The following RRP12 variants were observed in gnomAD, a reference collection of about 807,000 sequenced individuals.
The protein encoded by RRP12 is ribosomal RNA processing 12 homolog.
Under a neutral mutation model 157.3 loss-of-function variants are expected in RRP12, and 78 were observed. The ratio of observed to expected loss-of-function variants is 0.50; its 90% CI spans 0.41 to 0.60. The LOEUF (loss-of-function observed/expected upper bound fraction) is 0.60. RRP12 is among the 20% of genes least tolerant of loss of function. RRP12 has a pLI of 0.00. For missense variants in RRP12, 1,521 were observed against 1,679.9 expected, an observed-to-expected ratio of 0.91 and a Z score of 1.65; for synonymous variants, 726 against 670.9, an observed-to-expected ratio of 1.08 and a Z score of -1.27.
intron 4 of RRP12, chr10:97,393,301 G>T: frequency 2.3e-6 from 1 of 435,726 alleles, no homozygotes; most frequent in Non-Finnish European, 4.6e-6. Flanking sequence ...AGCACACATG[G>T]AACCAGGGAA....
Position 97,372,072 on chromosome 10 carries a change from C to T in RRP12, c.2343+1G>A. 6.2e-7 allele frequency: 1 copy of T among 1,611,524 alleles called. No homozygotes were observed. The highest frequency in any genetic ancestry group is 8.5e-7 in the Non-Finnish European group (1 of 1,178,372). On this transcript the variant is annotated splice_donor_variant, in intron 20 of 33. Transcript: ENST00000370992. LOFTEE classifies it high-confidence loss of function. ...TGGCGCTCCTGGCCCCCGAGGCTCA[C>T]CTCTAGGTAGGGCCGGATGGTGGAG...
At chr10:97,360,965 T>A (rs1012755768) in intron 30 of RRP12, among the ~76,000 whole-genome samples, 4 of 152,140 alleles carry the variant, frequency 2.6e-5, no homozygotes, top group African/African-American at 9.7e-5. Context: ...GAAAATGAGG[T>A]CCCTGGCCTC....
At chr10:97,386,037 C>T (rs368911226) in intron 8 of RRP12, 44 bp from the exon 9 acceptor site, 23 of 1,371,712 alleles carry the variant, frequency 1.7e-5, no homozygotes, top group Non-Finnish European at 1.9e-5. Context: ...ACAAAGCCCA[C>T]GGCTGGCCCT....
intron 29 of RRP12, among the ~76,000 whole-genome samples, chr10:97,364,828 G>A (rs1843929800): frequency 6.6e-6 from 1 of 152,172 alleles, no homozygotes; most frequent in Admixed American, 6.5e-5. Context: ...TACAAAAGGA[G>A]CTTTGAGCTG....
intron 18 of RRP12, 79 bp downstream of exon 18, chr10:97,372,967 T>G: frequency 6.7e-7 from 1 of 1,497,802 alleles, no homozygotes; most frequent in South Asian, 1.2e-5. Flanking sequence ...TGAGCCCTGG[T>G]GGGTAGGGTC....
intron 10 of RRP12, among the ~76,000 whole-genome samples, chr10:97,384,450 C>T (rs1290047610): frequency 1.3e-5 from 2 of 150,254 alleles, no homozygotes; most frequent in African/African-American, 2.5e-5. Flanking sequence ...CCCCCAACTT[C>T]GGCAGCCTGG....
At chr10:97,358,905 A>G (rs773409673) in intron 32 of RRP12, 38 bp downstream of exon 32, 2 of 1,527,498 alleles carry the variant, frequency 1.3e-6, no homozygotes, top group South Asian at 2.2e-5. Flanking sequence ...GCACCTGTCC[A>G]GTGCCAGGAG....
At chr10:97,359,216 A>G (rs1280385287) in intron 31 of RRP12, among the ~76,000 whole-genome samples, 1 of 152,216 alleles carries the variant, frequency 6.6e-6, no homozygotes, top group Non-Finnish European at 1.5e-5. Flanking sequence ...TGGGCTCCTC[A>G]GACTGACCCA....
At chr10:97,359,070 G>A (rs1843781070) in intron 31 of RRP12, 60 bp from the exon 32 acceptor site, 1 of 1,321,334 alleles carries the variant, frequency 7.6e-7, no homozygotes, top group Non-Finnish European at 1.1e-6. Flanking sequence ...CTCCAGAAAG[G>A]CAATGGGCAC....
At chr10:97,374,012 A>T (rs1039426794) in intron 15 of RRP12, 118 bp from the exon 16 acceptor site, 6 of 736,278 alleles carry the variant, frequency 8.1e-6, no homozygotes, top group African/African-American at 3.5e-5. Context: ...ACTTCCCCCC[A>T]TCTCCATGAA....
At chr10:97,375,006 C>T (rs903375995) in intron 15 of RRP12, among the ~76,000 whole-genome samples, 13 of 152,208 alleles carry the variant, frequency 8.5e-5, no homozygotes, top group East Asian at 1.9e-4. Context: ...AACTGTGGAG[C>T]GGCGGAGTTG....
chr10:97,384,922 AC>A (rs1333345716), intron 10 of RRP12, among the ~76,000 whole-genome samples: 2 of 123,636 alleles, frequency 1.6e-5, no homozygotes, highest in African/African-American at 3.0e-5. Flanking sequence ...GGCCCTAAGG[AC>A]CCCCCCAACC....
intron 25 of RRP12, among the ~76,000 whole-genome samples, chr10:97,368,465 C>A (rs913279686): frequency 2.6e-5 from 4 of 152,086 alleles, no homozygotes; most frequent in Admixed American, 2.0e-4. Context: ...TCAAGTGATT[C>A]TCCTGCCTCA....
At chr10:97,358,849 G>T in intron 32 of RRP12, 94 bp downstream of exon 32, 1 of 1,039,242 alleles carries the variant, frequency 9.6e-7, no homozygotes, top group Non-Finnish European at 1.5e-6. Flanking sequence ...CCAGGAAGGT[G>T]CCTCTCAGGA....
rs377232999 is a variant in RRP12 at position 97,358,637 on chromosome 10, C to G, written c.3709-18G>C. ...TTTGCTTTCTGCTTGCCCAGAGAAA[C>G]AGAGTCAGCTAGGAGGGTGGGGTTC... On this transcript the variant is annotated intron_variant, in intron 32 of 33. Transcript: ENST00000370992. 4.4e-6 allele frequency: 7 copies of G among 1,600,716 alleles called. No homozygotes were observed. In the East Asian group the frequency reaches 8.9e-5, roughly 20 times the overall value.
At chr10:97,391,899 A>G (rs1844815520) in intron 4 of RRP12, among the ~76,000 whole-genome samples, 1 of 152,182 alleles carries the variant, frequency 6.6e-6, no homozygotes, top group Non-Finnish European at 1.5e-5. Context: ...CAGCCTGGGC[A>G]ACAGAGCGAG....
rs1333301704 is a variant in RRP12, at chr10:97,370,253, A to G, written c.2711T>C (p.Val904Ala). 1 of 1,598,652 alleles carries G rather than the reference A, an allele frequency of 6.3e-7. No individual in the cohort carries two copies. The highest frequency in any genetic ancestry group is 8.5e-7 in the Non-Finnish European group (1 of 1,173,170). Residue 904 changes from valine (V) to alanine (A), a missense_variant, in exon 24 of 34, where the codon GTC becomes GCC. Coordinates refer to ENST00000370992, the MANE Select transcript of RRP12 (RefSeq NM_015179.4). ...GCCCACCAGGCCAGGGTAGATCAGG[A>G]CGAGGTAGCACTGCAGGGCCTCTGG... is the stretch of plus-strand genomic sequence containing the variant. ...NQEEALQCYLVLIYPGLVGAV... is the reference protein window; with the variant it reads ...NQEEALQCYLALIYPGLVGAV...
At chr10:97,371,840 A>G in intron 20 of RRP12, 1 of 455,796 alleles carries the variant, frequency 2.2e-6, no homozygotes, top group Non-Finnish European at 4.0e-6. Context: ...TTGGTTCTAC[A>G]AGAGTCACTC....
Position 97,366,545 on chromosome 10 carries a change from G to A in RRP12, c.3292C>T (p.Arg1098Trp), listed in dbSNP as rs578010790. ...CGGCTCCTCTGTCGTGCCAGCTTCC[G>A]CTGCTCCTTGCCTCGGCTTCTTTCC... ...EEERSRGKEQ[R>W]KLARQRSRAW... The change falls in exon 28 of 34, where the codon CGG (arginine) becomes TGG (tryptophan). Residue 1098 changes from arginine (R) to tryptophan (W), a missense_variant. By Grantham distance (101) the Arg-to-Trp change is moderately radical. Transcript: ENST00000370992. The A allele has an allele frequency of 2.8e-5, 46 of 1,614,090 alleles. No individual in the cohort carries two copies. The South Asian group carries it at 2.9e-4, about 10-fold the overall frequency.
Sources: allele counts gnomAD v4.1 joint callset (sites outside exome capture counted in the v4.1 genomes callset), GRCh38; gene constraint gnomAD v4.1.1; transcripts MANE v1.5; gene names NCBI Gene and HGNC (gene_info 2026-07-23, HGNC 2026-07-21).